The following RD3 variants were observed in gnomAD, a reference collection of about 807,000 sequenced individuals.
The protein encoded by RD3 is RD3 regulator of GUCY2D, also known as protein RD3.
A neutral mutation model predicts 16.9 loss-of-function variants in RD3; 11 were observed. The observed-to-expected ratio is 0.65, with a 90% CI of 0.41 to 1.08. The LOEUF is 1.08. Ranked by LOEUF, RD3 falls within the 50% of genes least tolerant of loss-of-function variation. The probability of loss-of-function intolerance (pLI) is 0.00; values close to 1 mark genes in which losing one functional copy is unlikely to be tolerated. For missense variants in RD3, 274 were observed against 267.4 expected (o/e 1.02, Z -0.17); for synonymous variants, 116 against 114.8 (o/e 1.01, Z -0.07).
rs11334507 is a variant in RD3 at position 211,489,573 on chromosome 1, CTT to C, written c.-12+2193_-12+2194del. Among the ~76,000 whole-genome samples, 158 of 137,842 alleles carry C rather than the reference CTT, an allele frequency of 1.1e-3. 2 individuals carry two copies. The highest frequency in any genetic ancestry group is 3.7e-3 in the African/African-American group (140 of 37,454). 90.4% of individuals were successfully genotyped at this position (137,842 alleles called of 152,430 possible). On this transcript the variant is annotated intron_variant, in intron 1 of 2. Coordinates refer to ENST00000680073, the MANE Select transcript of RD3 (RefSeq NM_001164688.2). ...TTATATCATAAATCATTTTTTCTTT[CTT>C]TTTTTTTTTTTTGATAGCTGCATTT...
chr1:211,489,896 T>C (rs1705453137), intron 1 of RD3, among the ~76,000 whole-genome samples: 1 of 152,216 alleles, frequency 6.6e-6, no homozygotes, highest in Non-Finnish European at 1.5e-5. Flanking sequence ...GTTCTGTCTC[T>C]GCCTTTTGGT....
At chr1:211,490,500 G>A (rs1315324942) in intron 1 of RD3, among the ~76,000 whole-genome samples, 2 of 152,230 alleles carry the variant, frequency 1.3e-5, no homozygotes, top group African/African-American at 2.4e-5. Context: ...CAGAGCACTG[G>A]CAGCTTCACT....
rs1705169706 is a variant in RD3 at position 211,477,578 on chromosome 1, T to G, written c.*1458A>C. ...TCTACCAATTACATTAATAAGCCAA[T>G]CAACTCTTTCATCTTGATAGTGTTG... On this transcript the variant is annotated 3_prime_UTR_variant, in exon 3 of 3. Coordinates refer to ENST00000680073, the MANE Select transcript of RD3 (RefSeq NM_001164688.2). The G allele has an allele frequency of 6.6e-6, 1 of 152,378 alleles. No individual in the cohort carries two copies. The highest frequency in any genetic ancestry group is 2.1e-4 in the South Asian group (1 of 4,826). The allele number at this position is 152,378 out of a possible 1,614,324, so 9.4% of individuals were successfully genotyped here.
Position 211,477,057 on chromosome 1 carries a change from G to A in RD3, c.*1979C>T, listed in dbSNP as rs1295774898. On this transcript the variant is annotated 3_prime_UTR_variant, in exon 3 of 3. Coordinates refer to ENST00000680073, the MANE Select transcript of RD3 (RefSeq NM_001164688.2). ...CTTGTTCCAAAACTCTTTTACGCCA[G>A]TTGTTCTTATTGTTATGATTAAAGT... The A allele has an allele frequency of 6.6e-6, 1 of 151,982 alleles. No homozygotes were observed. The highest frequency in any genetic ancestry group is 1.5e-5 in the Non-Finnish European group (1 of 68,002). 9.4% of individuals were successfully genotyped at this position (151,982 alleles called of 1,614,324 possible). A position where few individuals can be genotyped will look rare whatever the true frequency, so the allele number is the denominator to read the frequency against.
rs112303242 is a variant in RD3 at position 211,485,811 on chromosome 1, G to A, written c.-11-4385C>T. Reference sequence around the variant, plus strand: ...ATGAATGGTTCCCACTCAGTCAAAGGCACTTACAACCTGCCTCAAACACAT... The same window carrying A: ...ATGAATGGTTCCCACTCAGTCAAAGACACTTACAACCTGCCTCAAACACAT... On this transcript the variant is annotated intron_variant, in intron 1 of 2. Coordinates refer to ENST00000680073, the MANE Select transcript of RD3 (RefSeq NM_001164688.2). 8.2e-3 allele frequency among the ~76,000 whole-genome samples: 1,244 copies of A among 152,212 alleles called. 23 individuals are homozygous for A. The highest frequency in any genetic ancestry group is 0.028 in the African/African-American group (1,174 of 41,538).
intron 1 of RD3, among the ~76,000 whole-genome samples, chr1:211,483,952 T>A (rs1394379703): frequency 6.6e-6 from 1 of 152,222 alleles, no homozygotes; most frequent in Non-Finnish European, 1.5e-5. Context: ...GCTGGGCTAC[T>A]GCACAGCTCC....
intron 1 of RD3, among the ~76,000 whole-genome samples, chr1:211,486,792 G>A (rs756474615): frequency 3.3e-5 from 5 of 152,188 alleles, no homozygotes; most frequent in African/African-American, 7.2e-5. Context: ...GCAGTGAGCC[G>A]AGATTGCACC....
In RD3 at chr1:211,492,050, T is replaced by G. The variant is rs202137622; in HGVS notation, c.-294A>C. Reference sequence around the variant, plus strand: ...GACTATTGTTTGTGGGGTGTGTAGGTGTGTGTGTGTGTGTGTGTGTGTGTG... The same window carrying G: ...GACTATTGTTTGTGGGGTGTGTAGGGGTGTGTGTGTGTGTGTGTGTGTGTG... On this transcript the variant is annotated 5_prime_UTR_variant, in exon 1 of 3. Transcript: ENST00000680073. 40 of 5,434 alleles carry G rather than the reference T, an allele frequency of 7.4e-3. No homozygotes were observed. The highest frequency in any genetic ancestry group is 0.071 in the Middle Eastern group (1 of 14). The allele number at this position is 5,434 out of a possible 1,614,324, so 0.3% of individuals were successfully genotyped here. A position where few individuals can be genotyped will look rare whatever the true frequency, so the allele number is the denominator to read the frequency against.
Position 211,489,563 on chromosome 1 carries a change from T to C in RD3, c.-12+2205A>G, listed in dbSNP as rs1705442439. ...ACACATATTATTATATCATAAATCATTTTTTCTTTCTTTTTTTTTTTTTTG... is the reference window on the plus strand; with the variant it reads ...ACACATATTATTATATCATAAATCACTTTTTCTTTCTTTTTTTTTTTTTTG... On this transcript the variant is annotated intron_variant, in intron 1 of 2. Coordinates refer to ENST00000680073, the MANE Select transcript of RD3 (RefSeq NM_001164688.2). Among the ~76,000 whole-genome samples, 3 of 146,704 alleles carry C rather than the reference T, an allele frequency of 2.0e-5. No individual in the cohort carries two copies. In the South Asian group the frequency reaches 6.3e-4, roughly 31 times the overall value.
At chr1:211,479,932 T>A (rs553297424) in intron 2 of RD3, among the ~76,000 whole-genome samples, 1 of 152,320 alleles carries the variant, frequency 6.6e-6, no homozygotes, top group East Asian at 1.9e-4. Flanking sequence ...TAGGCTATCT[T>A]TGCTTAGAGC....
At chr1:211,483,118 C>T (rs1474082118) in intron 1 of RD3, among the ~76,000 whole-genome samples, 1 of 151,930 alleles carries the variant, frequency 6.6e-6, no homozygotes, top group Non-Finnish European at 1.5e-5. Flanking sequence ...TCTCTACTTA[C>T]CGATGGAGAC....
At chr1:211,483,112 T>C (rs1705309053) in intron 1 of RD3, among the ~76,000 whole-genome samples, 1 of 151,932 alleles carries the variant, frequency 6.6e-6, no homozygotes, top group South Asian at 2.1e-4. Flanking sequence ...GCTAAATCTC[T>C]ACTTACCGAT....
rs958659279 is a variant in RD3, at chr1:211,478,888, C to T, written c.*148G>A. 1.4e-4 allele frequency: 80 copies of T among 559,356 alleles called. No homozygotes were observed. Among genetic ancestry groups the T allele is most frequent in the Non-Finnish European group, 2.2e-4 (75 of 333,782 alleles). The allele number at this position is 559,356 out of a possible 1,614,324, so 34.6% of individuals were successfully genotyped here. On this transcript the variant is annotated 3_prime_UTR_variant, in exon 3 of 3. Transcript: ENST00000680073. ...AAGAGGATGGGGCAGGGAGTCGCTTCATTTTATAGCAGCGTCTTGGGATGG... is the reference window on the plus strand; with the variant it reads ...AAGAGGATGGGGCAGGGAGTCGCTTTATTTTATAGCAGCGTCTTGGGATGG...
chr1:211,488,360 C>G (rs1705417372), intron 1 of RD3, among the ~76,000 whole-genome samples: 1 of 152,028 alleles, frequency 6.6e-6, no homozygotes, highest in African/African-American at 2.4e-5. Context: ...TATGGTGAAA[C>G]CCCATCTCTA....
chr1:211,486,779 G>T (rs1364434126), intron 1 of RD3, among the ~76,000 whole-genome samples: 14 of 152,124 alleles, frequency 9.2e-5, no homozygotes. Context: ...GGAGGCAGAG[G>T]TTGCAGTGAG....
rs186879558 is a variant in RD3, at chr1:211,482,368, G to A, written c.-11-942C>T. Among the ~76,000 whole-genome samples the A allele has an allele frequency of 2.4e-3, 371 of 152,088 alleles. 1 individual carries two copies. Among genetic ancestry groups the A allele is most frequent in the Middle Eastern group, 6.8e-3 (2 of 294 alleles). ...GATGCCAGGATCCTGCTCTCCAGGA[G>A]AGGCAAGATTTGTTGAGTAAACGCT... On this transcript the variant is annotated intron_variant, in intron 1 of 2. Transcript: ENST00000680073.
chr1:211,488,039 A>C (rs1052338053), intron 1 of RD3, among the ~76,000 whole-genome samples: 2 of 152,234 alleles, frequency 1.3e-5, no homozygotes, highest in Non-Finnish European at 2.9e-5. Flanking sequence ...TGTTCTCTGC[A>C]TAACCGCTAC....
intron 1 of RD3, among the ~76,000 whole-genome samples, chr1:211,491,110 G>A (rs1405844740): frequency 6.6e-6 from 1 of 152,138 alleles, no homozygotes; most frequent in African/African-American, 2.4e-5. Flanking sequence ...ACAGTGGGAG[G>A]GGACTGACCC....
At chr1:211,488,864 C>G (rs1349311926) in intron 1 of RD3, among the ~76,000 whole-genome samples, 1 of 152,168 alleles carries the variant, frequency 6.6e-6, no homozygotes, top group Non-Finnish European at 1.5e-5. Context: ...CTCTCACCCC[C>G]ACTCACCACC....
Sources: gnomAD v4.1 joint callset for allele counts (sites outside exome capture counted in the v4.1 genomes callset) on GRCh38, gnomAD v4.1.1 for gene constraint, MANE v1.5 for transcripts, NCBI Gene and HGNC (gene_info 2026-07-23, HGNC 2026-07-21) for gene names.